Variants in MAN2B2 observed in about 807,000 individuals in gnomAD.
MAN2B2 encodes mannosidase alpha class 2B member 2, also known as epididymis-specific alpha-mannosidase.
MAN2B2 carries 106 observed loss-of-function variants against 117.1 expected under a neutral mutation model. The ratio of observed to expected loss-of-function variants is 0.90; its 90% CI spans 0.77 to 1.06. The LOEUF is 1.06. Ranked by LOEUF, MAN2B2 falls within the 50% of genes least tolerant of loss-of-function variation. The pLI is 0.00. For synonymous variants in MAN2B2, 544 were observed against 595.1 expected, an observed-to-expected ratio of 0.91 and a Z score of 1.25; for missense variants, 1,326 against 1,381.4, an observed-to-expected ratio of 0.96 and a Z score of 0.64.
intron 7 of MAN2B2, 84 bp from the exon 8 acceptor site, chr4:6,597,029 A>C: frequency 1.5e-6 from 2 of 1,370,094 alleles, no homozygotes; most frequent in South Asian, 2.7e-5. Context: ...CTGCAGCCCC[A>C]GCTTCTCAGC....
intron 3 of MAN2B2, among the ~76,000 whole-genome samples, chr4:6,582,220 CA>C (rs1726456233): frequency 6.6e-6 from 1 of 152,140 alleles, no homozygotes; most frequent in Non-Finnish European, 1.5e-5. Flanking sequence ...CCCTGTCCCC[CA>C]ACCCCACTCC....
In MAN2B2 at chr4:6,587,013, T is replaced by C. The variant is rs943660585; in HGVS notation, c.409T>C (p.Tyr137His). ...LQLTEGHGFL[Y>H]ETFGIRPQFS... ...CTTTGCAGAAGGACACGGGTTTCTC[T>C]ATGAAACATTTGGGATCCGGCCACA... The change falls in exon 4 of 19, where the codon TAT (tyrosine) becomes CAT (histidine). Residue 137 changes from tyrosine (Y) to histidine (H), a missense_variant. Transcript: ENST00000285599. The C allele has an allele frequency of 2.7e-5, 43 of 1,613,814 alleles. No individual in the cohort carries two copies. The highest frequency in any genetic ancestry group is 3.4e-5 in the Non-Finnish European group (40 of 1,179,952).
chr4:6,602,501 G>T (rs1264222888), intron 10 of MAN2B2, among the ~76,000 whole-genome samples: 1 of 152,068 alleles, frequency 6.6e-6, no homozygotes, highest in Admixed American at 6.6e-5. Context: ...CCTCCCCAAG[G>T]CCCCACTCCT....
Position 6,605,345 on chromosome 4 carries a change from T to C in MAN2B2, c.1814+16T>C. The C allele has an allele frequency of 6.3e-7, 1 of 1,594,908 alleles. No homozygotes were observed. ...TCTGGGAGAGGTAAGGTGCAGCCATTGCTGTCTCTGAGGCACAGGCATGCC... is the reference window on the plus strand; with the variant it reads ...TCTGGGAGAGGTAAGGTGCAGCCATCGCTGTCTCTGAGGCACAGGCATGCC... On this transcript the variant is annotated intron_variant, in intron 11 of 18. Coordinates refer to ENST00000285599, the MANE Select transcript of MAN2B2 (RefSeq NM_015274.3).
At chr4:6,607,417 C>A (rs1487990972) in intron 11 of MAN2B2, among the ~76,000 whole-genome samples, 1 of 152,170 alleles carries the variant, frequency 6.6e-6, no homozygotes. Context: ...GTTGCCCAGG[C>A]TGGTCTCAAA....
At chr4:6,579,323 C>G (rs1577270243) in intron 3 of MAN2B2, among the ~76,000 whole-genome samples, 1 of 90,558 alleles carries the variant, frequency 1.1e-5, no homozygotes, top group Non-Finnish European at 2.4e-5. Context: ...CCACCATCAC[C>G]ACCACCACCA....
At chr4:6,592,987 G>A (rs1726913710) in intron 5 of MAN2B2, among the ~76,000 whole-genome samples, 186 bp from the exon 6 acceptor site, 1 of 152,218 alleles carries the variant, frequency 6.6e-6, no homozygotes, top group African/African-American at 2.4e-5. Flanking sequence ...TGATGGGCGA[G>A]AAGTTGGCCT....
At chr4:6,576,798 G>A in intron 2 of MAN2B2, 74 bp downstream of exon 2, 1 of 1,570,642 alleles carries the variant, frequency 6.4e-7, no homozygotes, top group Non-Finnish European at 8.7e-7. Context: ...CAATGGGGCA[G>A]TTCTAGCCAG....
At position 6,598,168 on chromosome 4, in the gene MAN2B2, G is replaced by C. The variant is rs553713658; in HGVS notation, c.1249-30G>C. 26 of 1,606,718 alleles carry C rather than the reference G, an allele frequency of 1.6e-5. 1 individual carries two copies. The African/African-American group carries it at 2.4e-4, about 15-fold the overall frequency. On this transcript the variant is annotated intron_variant, in intron 8 of 18. Transcript: ENST00000285599. ...CTTTGCAGAGTCAGGTCCTGATCCT[G>C]TTCTTCCTCCCCTCTGGGGGTTGCT...
At chr4:6,581,686 G>A (rs920640084) in intron 3 of MAN2B2, among the ~76,000 whole-genome samples, 20 of 151,312 alleles carry the variant, frequency 1.3e-4, no homozygotes, top group East Asian at 3.9e-4. Context: ...GAAGACAGGA[G>A]CAGGCTGGTG....
chr4:6,576,568 C>A lies in MAN2B2; in HGVS notation c.139-10C>A. 6.2e-7 allele frequency: 1 copy of A among 1,610,542 alleles called. No individual in the cohort carries two copies. The highest frequency in any genetic ancestry group is 8.5e-7 in the Non-Finnish European group (1 of 1,177,814). ...GGACCGGGGCTGGCATGATGCTGTC[C>A]CCTCCCCAGGAAAGCATGCGGGCGT... On this transcript the variant is annotated splice_polypyrimidine_tract_variant and intron_variant, in intron 1 of 18. Coordinates refer to ENST00000285599, the MANE Select transcript of MAN2B2 (RefSeq NM_015274.3).
At chr4:6,598,393 G>A (rs766812100) in intron 9 of MAN2B2, 39 bp downstream of exon 9, 1 of 1,592,670 alleles carries the variant, frequency 6.3e-7, no homozygotes, top group Admixed American at 1.7e-5. Flanking sequence ...GCCCCTTTAT[G>A]AAGGGAGAGC....
rs1315981400 is a variant in MAN2B2 at position 6,622,074 on chromosome 4, A to G, written c.*789A>G. ...TGTCCATCCACAGATGAATTAAGAC[A>G]TGAAGTGTGTTCTGTCCATACAATG... is the stretch of plus-strand genomic sequence containing the variant. On this transcript the variant is annotated 3_prime_UTR_variant, in exon 19 of 19. Coordinates refer to ENST00000285599, the MANE Select transcript of MAN2B2 (RefSeq NM_015274.3). The G allele has an allele frequency of 6.6e-6, 1 of 152,292 alleles. No homozygotes were observed. The highest frequency in any genetic ancestry group is 1.5e-5 in the Non-Finnish European group (1 of 68,056). The allele number at this position is 152,292 out of a possible 1,614,324, so 9.4% of individuals were successfully genotyped here.
rs544105736 is a variant in MAN2B2, at chr4:6,603,989, C to G, written c.1540-1066C>G. On this transcript the variant is annotated intron_variant, in intron 10 of 18. Transcript: ENST00000285599. ...CAGCCTCCCTCTCCAAATCAGACAC[C>G]TTGGAGGTGAGCAGAGGCCAGGAGG... Among the ~76,000 whole-genome samples the G allele has an allele frequency of 2.9e-4, 44 of 152,324 alleles. 1 individual carries two copies. The highest frequency in any genetic ancestry group is 4.3e-4 in the Non-Finnish European group (29 of 68,028).
chr4:6,584,817 T>C (rs1454332505), intron 3 of MAN2B2, among the ~76,000 whole-genome samples: 1 of 152,186 alleles, frequency 6.6e-6, no homozygotes, highest in Non-Finnish European at 1.5e-5. Flanking sequence ...CGTGCCACAT[T>C]TGGCTTAGAT....
In MAN2B2 at chr4:6,611,348, G is replaced by A. The variant is rs74677153; in HGVS notation, c.2563+70G>A. On this transcript the variant is annotated intron_variant, in intron 15 of 18. Coordinates refer to ENST00000285599, the MANE Select transcript of MAN2B2 (RefSeq NM_015274.3). ...CCAGCCAGGCCAGGGCGGGCCTTGG[G>A]AGGGGCCTGTGCCCTCATGACTCTG... 3,251 of 1,475,796 alleles carry A rather than the reference G, an allele frequency of 2.2e-3. 41 individuals carry two copies. The African/African-American group carries it at 0.03, about 14-fold the overall frequency. The allele number at this position is 1,475,796 out of a possible 1,614,324, so 91.4% of individuals were successfully genotyped here.
chr4:6,617,441 T>C lies in MAN2B2; in HGVS notation c.2763T>C (p.Tyr921=). The change falls in exon 17 of 19, where the codon TAT becomes TAC. Residue 921 remains tyrosine (Y), a synonymous_variant. Coordinates refer to ENST00000285599, the MANE Select transcript of MAN2B2 (RefSeq NM_015274.3). ...TCCTGCTGCGGCTCTACCACCTATA[T>C]GAAGTGGGCGAGGACCCAGTCCTGT... The part of the protein sequence containing the change: ...RRVLLRLYHL[Y]EVGEDPVLSQ... The C allele has an allele frequency of 1.9e-6, 3 of 1,614,128 alleles. No individual in the cohort carries two copies. The highest frequency in any genetic ancestry group is 2.5e-6 in the Non-Finnish European group (3 of 1,180,018).
chr4:6,595,099 G>A (rs763483341), intron 7 of MAN2B2, among the ~76,000 whole-genome samples: 4 of 152,172 alleles, frequency 2.6e-5, no homozygotes, highest in Admixed American at 6.5e-5. Context: ...TGATGCTGAG[G>A]CTGACTCGGG....
At chr4:6,609,634 C>T in intron 12 of MAN2B2, 164 bp from the exon 13 acceptor site, 6 of 880,142 alleles carry the variant, frequency 6.8e-6, no homozygotes, top group Non-Finnish European at 1.0e-5. Context: ...CTCCCAGCCG[C>T]TCGGGGTCCT....
Sources: allele counts gnomAD v4.1 joint callset (sites outside exome capture counted in the v4.1 genomes callset), GRCh38; gene constraint gnomAD v4.1.1; transcripts MANE v1.5; gene names NCBI Gene and HGNC (gene_info 2026-07-23, HGNC 2026-07-21).